The following KDM2B variants were observed in gnomAD, a reference collection of about 807,000 sequenced individuals.
The protein encoded by KDM2B is lysine-specific demethylase 2B.
A neutral mutation model predicts 150.0 loss-of-function variants in KDM2B; 26 were observed. The observed-to-expected ratio is 0.17, with a 90% CI of 0.13 to 0.24. The LOEUF (loss-of-function observed/expected upper bound fraction) is 0.24, where lower values mean the gene tolerates loss of function less well. KDM2B is among the 10% of genes least tolerant of loss of function. The pLI is 1.00. For missense variants in KDM2B, 1,265 were observed against 1,816.9 expected, an observed-to-expected ratio of 0.70 and a Z score of 5.52; for synonymous variants, 734 against 729.5, an observed-to-expected ratio of 1.01 and a Z score of -0.10.
chr12:121,505,904 G>A (rs1012676572), intron 11 of KDM2B, among the ~76,000 whole-genome samples: 3 of 152,218 alleles, frequency 2.0e-5, no homozygotes, highest in Non-Finnish European at 4.4e-5. Flanking sequence ...ACAGAAAAGA[G>A]AGAACAAGGC....
rs75868196 is a variant in KDM2B, at chr12:121,485,580, C to T, written c.1734+8999G>A. Among the ~76,000 whole-genome samples the T allele has an allele frequency of 3.2e-3, 482 of 152,054 alleles. 5 individuals carry two copies. The highest frequency in any genetic ancestry group is 0.011 in the African/African-American group (462 of 41,482). On this transcript the variant is annotated intron_variant, in intron 12 of 22. Transcript: ENST00000377071. ...CCTCACCAACTGTCCCAACTTCACACTATTCTGTCTTCAAAAACTTTCCGT... is the reference window on the plus strand; with the variant it reads ...CCTCACCAACTGTCCCAACTTCACATTATTCTGTCTTCAAAAACTTTCCGT...
rs570618915 is a variant in KDM2B at position 121,558,259 on chromosome 12, G to T, written c.398-8621C>A. 2.0e-5 allele frequency among the ~76,000 whole-genome samples: 3 copies of T among 151,944 alleles called. No homozygotes were observed. In the South Asian group the frequency reaches 6.3e-4, roughly 32 times the overall value. On this transcript the variant is annotated intron_variant, in intron 4 of 22. Transcript: ENST00000377071. ...ATGTTCTGTGTGGCATCTGACACAC[G>T]ACTTCACAGACAAATGGCAGGTGAA...
At chr12:121,498,230 G>A (rs1362583342) in intron 11 of KDM2B, among the ~76,000 whole-genome samples, 1 of 152,160 alleles carries the variant, frequency 6.6e-6, no homozygotes, top group Non-Finnish European at 1.5e-5. Flanking sequence ...GGCCCCAAAT[G>A]GCTGGGGGAG....
At chr12:121,415,298 GA>G in the KDM2B span, 1 of 382,344 alleles carries the variant, frequency 2.6e-6, no homozygotes. Flanking sequence ...TTACAAATGC[GA>G]AAACAGAGGT....
At chr12:121,566,973 C>T (rs532788242) in intron 4 of KDM2B, among the ~76,000 whole-genome samples, 1 of 152,122 alleles carries the variant, frequency 6.6e-6, no homozygotes, top group Admixed American at 6.5e-5. Context: ...CCTCCGCCTC[C>T]CAGGTTCAGG....
At chr12:121,412,937 G>A in the KDM2B span, among the ~76,000 whole-genome samples, 2 of 151,566 alleles carry the variant, frequency 1.3e-5, no homozygotes, top group African/African-American at 4.9e-5. Context: ...GGCTGGTCTC[G>A]AACTCTTGAC....
Position 121,452,701 on chromosome 12 carries a change from G to A in KDM2B, c.1959+419C>T, listed in dbSNP as rs1221344927. 2.6e-5 allele frequency among the ~76,000 whole-genome samples: 4 copies of A among 152,040 alleles called. No individual in the cohort carries two copies. Among genetic ancestry groups the A allele is most frequent in the African/African-American group, 7.2e-5 (3 of 41,392 alleles). ...GTGGAGGGGCGGGCCAGGCTCTCCC[G>A]GGCGCGGCTCCTCAGTACCATAAAT... is the stretch of plus-strand genomic sequence containing the variant. On this transcript the variant is annotated intron_variant, in intron 13 of 22. Coordinates refer to ENST00000377071, the MANE Select transcript of KDM2B (RefSeq NM_032590.5). The surrounding 1 kb of genome is among the most constrained non-coding windows in gnomAD (Gnocchi z 4.4).
chr12:121,509,203 C>T (rs1417004932), intron 11 of KDM2B, among the ~76,000 whole-genome samples: 1 of 152,060 alleles, frequency 6.6e-6, no homozygotes, highest in African/African-American at 2.4e-5. Context: ...GGACTACAGG[C>T]ATACGCCACC....
At chr12:121,580,480 C>A in intron 1 of KDM2B, 1 of 1,185,190 alleles carries the variant, frequency 8.4e-7, no homozygotes, top group Non-Finnish European at 1.0e-6. Flanking sequence ...CGCCTCTGCA[C>A]GCAGGCGCCG....
intron 12 of KDM2B, among the ~76,000 whole-genome samples, chr12:121,478,313 T>C (rs1229759040): frequency 6.6e-6 from 1 of 151,852 alleles, no homozygotes; most frequent in African/African-American, 2.4e-5. Flanking sequence ...ATAGGTAATG[T>C]TTTTTGATCC....
chr12:121,554,648 T>G (rs1889767866), intron 4 of KDM2B, among the ~76,000 whole-genome samples: 1 of 151,956 alleles, frequency 6.6e-6, no homozygotes. Context: ...TGACCTCAGG[T>G]GATCCACCTG....
intron 4 of KDM2B, among the ~76,000 whole-genome samples, chr12:121,572,594 G>A (rs759890810): frequency 6.6e-6 from 1 of 152,270 alleles, no homozygotes; most frequent in South Asian, 2.1e-4. Flanking sequence ...CCCACCACGT[G>A]CCATGCCATT....
At chr12:121,519,158 C>T (rs1217396747) in intron 9 of KDM2B, among the ~76,000 whole-genome samples, 1 of 152,214 alleles carries the variant, frequency 6.6e-6, no homozygotes, top group African/African-American at 2.4e-5. Context: ...GAACTCAACT[C>T]CAGGTGGTCT....
intron 11 of KDM2B, among the ~76,000 whole-genome samples, chr12:121,504,078 T>C: frequency 6.6e-6 from 1 of 152,232 alleles, no homozygotes; most frequent in South Asian, 2.1e-4. Context: ...TAAGTGTCTA[T>C]ATTTATCATT....
intron 8 of KDM2B, 136 bp downstream of exon 8, chr12:121,532,670 C>CCA (rs1555308035): frequency 1.2e-6 from 1 of 848,330 alleles, no homozygotes. Flanking sequence ...TCCCTCCAGC[C>CCA]CACGGCTGGC....
chr12:121,421,398 A>AAAAC, the KDM2B span, among the ~76,000 whole-genome samples: 48 of 142,078 alleles, frequency 3.4e-4, 1 homozygote, highest in African/African-American at 1.2e-3. Flanking sequence ...AAAAAAAAAA[A>AAAAC]CCAAAAAAAC....
chr12:121,580,105 T>C, intron 1 of KDM2B: 7 of 1,580,498 alleles, frequency 4.4e-6, no homozygotes, highest in Non-Finnish European at 6.0e-6. Flanking sequence ...CCCTGCATTT[T>C]GGCCGAGGGG....
chr12:121,443,086 C>G, intron 17 of KDM2B, 56 bp from the exon 18 acceptor site: 2 of 1,490,624 alleles, frequency 1.3e-6, no homozygotes, highest in Middle Eastern at 1.8e-4. Flanking sequence ...GGGATTTGGT[C>G]TCCTCGACAC....
chr12:121,459,062 G>A (rs1427407004), intron 12 of KDM2B, among the ~76,000 whole-genome samples: 5 of 141,992 alleles, frequency 3.5e-5, no homozygotes, highest in Non-Finnish European at 7.5e-5. Flanking sequence ...CTCCAGCCTG[G>A]CAACAGAGCG....
Sources: allele counts gnomAD v4.1 joint callset (sites outside exome capture counted in the v4.1 genomes callset), GRCh38; gene constraint gnomAD v4.1.1; non-coding constraint Gnocchi (gnomAD v3.1); transcripts MANE v1.5; gene names NCBI Gene and HGNC (gene_info 2026-07-23, HGNC 2026-07-21).